SMG5: variants seen among roughly 807,000 people sequenced by gnomAD.
The protein encoded by SMG5 is nonsense-mediated mRNA decay factor SMG5.
Under a neutral mutation model 122.9 loss-of-function variants are expected in SMG5, and 53 were observed. That is an observed-to-expected ratio of 0.43 (90% CI 0.35 to 0.54). The LOEUF is 0.54. Among genes scored for constraint, SMG5 ranks in the 20% least tolerant of loss-of-function variants. The pLI is 0.01. For missense variants in SMG5, 1,153 were observed against 1,285.6 expected (o/e 0.90, Z 1.58); for synonymous variants, 477 against 490.2 (o/e 0.97, Z 0.35).
chr1:156,251,114 G>T, intron 20 of SMG5, 118 bp from the exon 21 acceptor site: 1 of 1,374,462 alleles, frequency 7.3e-7, no homozygotes, highest in Non-Finnish European at 1.0e-6. Context: ...AGCAGCAGTG[G>T]GCCCTGGAAG....
At chr1:156,290,998 G>C in the SMG5 span, 1 of 222,206 alleles carries the variant, frequency 4.5e-6, no homozygotes, top group Non-Finnish European at 9.0e-6. Flanking sequence ...TGTACAGCCA[G>C]GTGTGGTGGC....
chr1:156,268,480 T>C (rs771811781), intron 7 of SMG5, 65 bp from the exon 8 acceptor site: 147 of 1,583,578 alleles, frequency 9.3e-5, no homozygotes, highest in Non-Finnish European at 1.2e-4. Flanking sequence ...CTGCTGGGGC[T>C]TTAGGAAACA....
At chr1:156,253,572 AG>A in intron 16 of SMG5, 64 bp from the exon 17 acceptor site, 3 of 1,511,838 alleles carry the variant, frequency 2.0e-6, no homozygotes, top group Non-Finnish European at 2.8e-6. Context: ...GTGATCAGGA[AG>A]ACCAAGAGGG....
chr1:156,250,540 C>A lies in SMG5; in HGVS notation c.*47G>T, dbSNP rs377093279. 23 of 1,544,160 alleles carry A rather than the reference C, an allele frequency of 1.5e-5. No individual in the cohort carries two copies. The African/African-American group carries it at 2.7e-4, about 18-fold the overall frequency. On this transcript the variant is annotated 3_prime_UTR_variant, in exon 22 of 22. Coordinates refer to ENST00000361813, the MANE Select transcript of SMG5 (RefSeq NM_015327.3). ...TGCTGGTCCTGGCTGCCAGGGAGGG[C>A]AGGAGAGATCTGGAGTCAGCCCCAC...
rs1445871350 is a variant in SMG5 at position 156,279,009 on chromosome 1, G to C, written c.100C>G (p.Leu34Val). 2 of 1,614,078 alleles carry C rather than the reference G, an allele frequency of 1.2e-6. No individual in the cohort carries two copies. Among genetic ancestry groups the C allele is most frequent in the East Asian group, 4.5e-5 (2 of 44,904 alleles). ...GTTTTGTTGCAAAGGATGAGGTCAA[G>C]TCGATGCACAGCCTCCACCACAGCC... Reference protein sequence around the residue: ...YRAVVEAVHRLDLILCNKTAY... With the variant: ...YRAVVEAVHRVDLILCNKTAY... Residue 34 changes from leucine to valine, a missense_variant, in exon 2 of 22, where the codon CTT becomes GTT. Physicochemically the swap from Leu to Val is conservative, Grantham distance 32 (BLOSUM62 1). Around this residue, in one of 5 missense-constraint regions of SMG5, gnomAD observed 213 missense variants for 197.5 expected, o/e 1.08. Coordinates refer to ENST00000361813, the MANE Select transcript of SMG5 (RefSeq NM_015327.3).
chr1:156,277,449 C>T (rs1287018911), intron 3 of SMG5, among the ~76,000 whole-genome samples: 3 of 151,878 alleles, frequency 2.0e-5, no homozygotes, highest in Non-Finnish European at 4.4e-5. Context: ...TTACATCTGA[C>T]TCTCTTCCTC....
rs568953577 is a variant in SMG5 at position 156,267,590 on chromosome 1, G to A, written c.997C>T (p.Leu333Phe). ...TCCTCATCCTCACTGGCCAGGCTGAGGTTGGGTGAGGAGGGCAGGTAGAAG... is the reference window on the plus strand; with the variant it reads ...TCCTCATCCTCACTGGCCAGGCTGAAGTTGGGTGAGGAGGGCAGGTAGAAG... The part of the protein sequence containing the change: ...CLFYLPSSPN[L>F]SLASEDEEEY... Residue 333 changes from leucine to phenylalanine, a missense_variant, in exon 10 of 22, where the codon CTC becomes TTC. By Grantham distance (22) the Leu-to-Phe change is conservative. Around this residue, in one of 5 missense-constraint regions of SMG5, gnomAD observed 631 missense variants for 650.6 expected, o/e 0.97. Coordinates refer to ENST00000361813, the MANE Select transcript of SMG5 (RefSeq NM_015327.3). The A allele has an allele frequency of 1.9e-6, 3 of 1,614,050 alleles. No homozygotes were observed. Among genetic ancestry groups the A allele is most frequent in the African/African-American group, 2.7e-5 (2 of 75,024 alleles).
intron 16 of SMG5, 73 bp from the exon 17 acceptor site, chr1:156,253,581 G>C: frequency 7.3e-7 from 1 of 1,378,538 alleles, no homozygotes; most frequent in Non-Finnish European, 1.0e-6. Flanking sequence ...AAGACCAAGA[G>C]GGTTTCCTGG....
chr1:156,286,406 T>C, upstream of SMG5: 4 of 1,614,234 alleles, frequency 2.5e-6, no homozygotes, highest in Non-Finnish European at 3.4e-6. Flanking sequence ...GGCCGTGCTT[T>C]CCACTTACCT....
chr1:156,266,172 C>T lies in SMG5; in HGVS notation c.1464G>A (p.Arg488=). 1 of 1,614,254 alleles carries T rather than the reference C, an allele frequency of 6.2e-7. No homozygotes were observed. Among genetic ancestry groups the T allele is most frequent in the Non-Finnish European group, 8.5e-7 (1 of 1,180,048 alleles). ...FESDSSHDSA[R]ASEGSDSGSD... is the part of the protein sequence containing the mutation. ...AGCCACTGTCTGAGCCCTCACTGGC[C>T]CGGGCTGAGTCATGGCTTGAGTCCG... The change falls in exon 12 of 22, where the codon CGG becomes CGA. Residue 488 remains arginine (R), a synonymous_variant. Transcript: ENST00000361813.
At chr1:156,286,990 G>C (rs893824300), upstream of SMG5, among the ~76,000 whole-genome samples, 5 of 152,128 alleles carry the variant, frequency 3.3e-5, no homozygotes, top group South Asian at 2.1e-4. Context: ...GGGCATGGTG[G>C]TGCACACCTG....
Position 156,266,115 on chromosome 1 carries a change from G to A in SMG5, c.1521C>T (p.Ala507=), listed in dbSNP as rs1183272971. 6.2e-7 allele frequency: 1 copy of A among 1,614,184 alleles called. No individual in the cohort carries two copies. Among genetic ancestry groups the A allele is most frequent in the Non-Finnish European group, 8.5e-7 (1 of 1,180,040 alleles). Residue 507 remains alanine, a synonymous_variant, in exon 12 of 22, where the codon GCC becomes GCT. Transcript: ENST00000361813. ...SDKSLEGGGT[A]FDAETDSEMN... The stretch of plus-strand genomic sequence containing the variant: ...TTTCCGAGTCTGTTTCAGCATCAAA[G>A]GCCGTTCCCCCACCTTCAAGACTCT...
intron 6 of SMG5, 59 bp downstream of exon 6, chr1:156,273,302 C>T: frequency 7.0e-7 from 1 of 1,422,132 alleles, no homozygotes; most frequent in Non-Finnish European, 9.9e-7. Context: ...ATCTCAACAA[C>T]ATCGTCTTCC....
Position 156,282,793 on chromosome 1 carries a change from G to A in SMG5, c.-113C>T. 1.7e-6 allele frequency: 2 copies of A among 1,192,020 alleles called. No homozygotes were observed. The highest frequency in any genetic ancestry group is 1.1e-6 in the Non-Finnish European group (1 of 877,338). 73.8% of individuals were successfully genotyped at this position (1,192,020 alleles called of 1,614,324 possible). A position where few individuals can be genotyped will look rare whatever the true frequency, so the allele number is the denominator to read the frequency against. Reference sequence around the variant, plus strand: ...GCCGCCGCCGCCACCGGCCCTGCTCGGCCGCCATCGCTGTGAGGCGGCTGC... The same window carrying A: ...GCCGCCGCCGCCACCGGCCCTGCTCAGCCGCCATCGCTGTGAGGCGGCTGC... On this transcript the variant is annotated 5_prime_UTR_variant, in exon 1 of 22. Transcript: ENST00000361813.
intron 2 of SMG5, 59 bp from the exon 3 acceptor site, chr1:156,278,107 A>C: frequency 6.3e-7 from 1 of 1,598,754 alleles, no homozygotes; most frequent in South Asian, 1.1e-5. Flanking sequence ...GGGACATAAG[A>C]ACTGAGGGCA....
Position 156,260,601 on chromosome 1 carries a change from T to C in SMG5, c.2133A>G (p.Gln711=), listed in dbSNP as rs1661778961. The change falls in exon 15 of 22, where the codon CAA becomes CAG. Residue 711 remains glutamine (Q), a synonymous_variant. Transcript: ENST00000361813. ...GCAGTTCACAACCTTCAAGAAGATCTTGGACCTCAGGACACAAGGCCAGGC... is the reference window on the plus strand; with the variant it reads ...GCAGTTCACAACCTTCAAGAAGATCCTGGACCTCAGGACACAAGGCCAGGC... ...ESGLALCPEV[Q]DLLEGCELPD... is the part of the protein sequence containing the mutation. 6.6e-7 allele frequency: 1 copy of C among 1,519,800 alleles called. No individual in the cohort carries two copies. Among genetic ancestry groups the C allele is most frequent in the Admixed American group, 2.4e-5 (1 of 42,258 alleles). 94.1% of individuals were successfully genotyped at this position (1,519,800 alleles called of 1,614,324 possible).
rs116533037 is a variant in SMG5 at position 156,263,089 on chromosome 1, A to G, written c.2031+306T>C. 3.9e-5 allele frequency among the ~76,000 whole-genome samples: 6 copies of G among 152,290 alleles called. No individual in the cohort carries two copies. In the East Asian group the frequency reaches 9.6e-4, roughly 24 times the overall value. On this transcript the variant is annotated intron_variant, in intron 13 of 21. Coordinates refer to ENST00000361813, the MANE Select transcript of SMG5 (RefSeq NM_015327.3). ...TCTCTGGATTCTTTGGTATTTATCA[A>G]CTTTGGTCCTTGAACACATACTTCT...
chr1:156,249,294 CCA>C lies in SMG5; in HGVS notation c.*1291_*1292del, dbSNP rs373863561. 1.4e-3 allele frequency: 263 copies of C among 191,120 alleles called. 1 individual carries two copies. Among genetic ancestry groups the C allele is most frequent in the African/African-American group, 5.0e-3 (213 of 42,698 alleles). The allele number at this position is 191,120 out of a possible 1,614,324, so 11.8% of individuals were successfully genotyped here. On this transcript the variant is annotated 3_prime_UTR_variant, in exon 22 of 22. Transcript: ENST00000361813. ...GCCAGCAACTGGGAGTGGGGTGACT[CCA>C]CTCACCCCAGGATTTCCCAGACTTG...
chr1:156,277,874 C>T (rs114416960), intron 3 of SMG5, 51 bp downstream of exon 3: 27,570 of 1,606,930 alleles, frequency 0.017, 302 homozygotes, highest in Non-Finnish European at 0.021. Context: ...ACTTTCCTAG[C>T]TGTCTCTTCC....
Sources: allele counts gnomAD v4.1 joint callset (sites outside exome capture counted in the v4.1 genomes callset), GRCh38; gene constraint gnomAD v4.1.1; regional missense constraint gnomAD v4.1.1; transcripts MANE v1.5; gene names NCBI Gene and HGNC (gene_info 2026-07-23, HGNC 2026-07-21).